Variants in DOK5 observed in about 807,000 individuals in gnomAD.
The protein encoded by DOK5 is docking protein 5, also known as downstream of tyrosine kinase 5.
DOK5 carries 27 observed loss-of-function variants against 43.3 expected under a neutral mutation model. That is an observed-to-expected ratio of 0.62 (90% CI 0.46 to 0.86). The LOEUF is 0.86. Among genes scored for constraint, DOK5 ranks in the 40% least tolerant of loss-of-function variants. DOK5 has a pLI of 0.00. For missense variants in DOK5, 373 were observed against 392.9 expected (o/e 0.95, Z 0.43); for synonymous variants, 146 against 140.1 (o/e 1.04, Z -0.30).
intron 2 of DOK5, among the ~76,000 whole-genome samples, chr20:54,581,619 T>C (rs539077236): frequency 6.6e-6 from 1 of 152,140 alleles, no homozygotes; most frequent in South Asian, 2.1e-4. Flanking sequence ...GTTATATTTA[T>C]TCCTAAATAT....
intron 1 of DOK5, among the ~76,000 whole-genome samples, chr20:54,476,763 T>C (rs1233331295): frequency 6.6e-6 from 1 of 152,176 alleles, no homozygotes; most frequent in Non-Finnish European, 1.5e-5. Flanking sequence ...GGGACAGATG[T>C]TGACACAGGC....
chr20:54,614,076 A>C (rs1369428870), intron 6 of DOK5, among the ~76,000 whole-genome samples: 1 of 151,212 alleles, frequency 6.6e-6, no homozygotes, highest in African/African-American at 2.4e-5. Flanking sequence ...TTATATGTAT[A>C]CATAAAACAA....
chr20:54,578,370 T>C (rs891859883), intron 2 of DOK5, among the ~76,000 whole-genome samples: 11 of 152,160 alleles, frequency 7.2e-5, no homozygotes, highest in African/African-American at 2.7e-4. Context: ...TAGCTACAAA[T>C]TTTAGCTCCA....
intron 1 of DOK5, among the ~76,000 whole-genome samples, chr20:54,552,941 A>C (rs1388767887): frequency 6.6e-6 from 1 of 152,222 alleles, no homozygotes; most frequent in Non-Finnish European, 1.5e-5. Flanking sequence ...GAATTATAAG[A>C]GGTTTTTAAA....
chr20:54,616,118 G>A (rs1297365247), intron 6 of DOK5, among the ~76,000 whole-genome samples: 1 of 152,162 alleles, frequency 6.6e-6, no homozygotes, highest in African/African-American at 2.4e-5. Flanking sequence ...ACAAGAATGT[G>A]TTATATCTCT....
rs539954159 is a variant in DOK5, at chr20:54,563,922, T to C, written c.174+8882T>C. ...ATCTCTTATTTACCCCTTGAACTAA[T>C]GCTAGAAAGAGAAAGCAATGGTATT... On this transcript the variant is annotated intron_variant, in intron 2 of 7. Transcript: ENST00000262593. Among the ~76,000 whole-genome samples the C allele has an allele frequency of 1.9e-3, 284 of 152,270 alleles. 1 individual carries two copies. The highest frequency in any genetic ancestry group is 6.5e-3 in the African/African-American group (272 of 41,562).
At chr20:54,581,339 A>G (rs911372725) in intron 2 of DOK5, among the ~76,000 whole-genome samples, 3 of 151,482 alleles carry the variant, frequency 2.0e-5, no homozygotes, top group South Asian at 2.1e-4. Flanking sequence ...TTTTGACTAT[A>G]TAAGGTTCTT....
At chr20:54,510,583 G>A (rs1016272720) in intron 1 of DOK5, among the ~76,000 whole-genome samples, 1 of 152,138 alleles carries the variant, frequency 6.6e-6, no homozygotes, top group Non-Finnish European at 1.5e-5. Flanking sequence ...AAATGTTGTG[G>A]GGGGTTTTAA....
At position 54,480,829 on chromosome 20, in the gene DOK5, C is replaced by T. The variant is rs996077900; in HGVS notation, c.66+4817C>T. On this transcript the variant is annotated intron_variant, in intron 1 of 7. Transcript: ENST00000262593. ...AATATGCTGTTTCCCCAGTTACCTC[C>T]TCCTGGCTTGCTCTCTCACCTCCTT... Among the ~76,000 whole-genome samples, 4 of 152,134 alleles carry T rather than the reference C, an allele frequency of 2.6e-5. No homozygotes were observed. The East Asian group carries it at 7.7e-4, about 29-fold the overall frequency.
At chr20:54,647,911 A>G (rs1979514075) in intron 7 of DOK5, among the ~76,000 whole-genome samples, 1 of 152,202 alleles carries the variant, frequency 6.6e-6, no homozygotes, top group Admixed American at 6.5e-5. Context: ...CCACCAGTGC[A>G]GTGCTGAAAT....
At chr20:54,501,097 A>G (rs890717823) in intron 1 of DOK5, among the ~76,000 whole-genome samples, 3 of 152,124 alleles carry the variant, frequency 2.0e-5, no homozygotes, top group African/African-American at 7.2e-5. Flanking sequence ...GAATATTTTT[A>G]TGGCTCTTAA....
intron 1 of DOK5, among the ~76,000 whole-genome samples, chr20:54,504,121 ACCTTCC>A (rs1982717990): frequency 6.6e-6 from 1 of 151,876 alleles, no homozygotes; most frequent in Non-Finnish European, 1.5e-5. Flanking sequence ...GCTCACCTTC[ACCTTCC>A]CACATCCTAC....
At chr20:54,608,385 A>T (rs770790604) in intron 5 of DOK5, among the ~76,000 whole-genome samples, 11 of 152,232 alleles carry the variant, frequency 7.2e-5, no homozygotes, top group Non-Finnish European at 1.5e-4. Flanking sequence ...TGGAATAAAG[A>T]TGTATGAAAA....
intron 5 of DOK5, among the ~76,000 whole-genome samples, chr20:54,601,696 C>A (rs910079329): frequency 6.6e-6 from 1 of 152,150 alleles, no homozygotes; most frequent in Non-Finnish European, 1.5e-5. Context: ...GGAGGAGGGC[C>A]ACAGTGTGGC....
At position 54,569,322 on chromosome 20, in the gene DOK5, C is replaced by G. The variant is rs539840702; in HGVS notation, c.174+14282C>G. On this transcript the variant is annotated intron_variant, in intron 2 of 7. Transcript: ENST00000262593. ...TGATCACACGAATTGCCCTAGTCCC[C>G]TTTTCCTCATGTTTTGACTATAATT... Among the ~76,000 whole-genome samples, 11 of 152,278 alleles carry G rather than the reference C, an allele frequency of 7.2e-5. No individual in the cohort carries two copies. In the East Asian group the frequency reaches 1.3e-3, roughly 19 times the overall value.
intron 1 of DOK5, among the ~76,000 whole-genome samples, chr20:54,477,728 T>G (rs947877311): frequency 2.0e-5 from 3 of 152,082 alleles, no homozygotes; most frequent in Admixed American, 6.5e-5. Context: ...ACATCCATTC[T>G]GTGTTAGGGA....
intron 6 of DOK5, among the ~76,000 whole-genome samples, chr20:54,626,852 C>A (rs1978329082): frequency 6.6e-6 from 1 of 152,216 alleles, no homozygotes; most frequent in African/African-American, 2.4e-5. Context: ...GGTTGACAAA[C>A]TACAGCCCAC....
chr20:54,647,948 C>G (rs1023283004), intron 7 of DOK5, among the ~76,000 whole-genome samples: 1 of 151,992 alleles, frequency 6.6e-6, no homozygotes, highest in East Asian at 1.9e-4. Context: ...ACGAGGGAGA[C>G]AAGCCATATT....
intron 6 of DOK5, among the ~76,000 whole-genome samples, chr20:54,624,029 G>A (rs150654688): frequency 2.4e-3 from 359 of 152,314 alleles, no homozygotes; most frequent in African/African-American, 8.1e-3. Context: ...GATGATGTTT[G>A]TGCAGTATTA....
Sources: allele counts gnomAD v4.1 joint callset (sites outside exome capture counted in the v4.1 genomes callset), GRCh38; gene constraint gnomAD v4.1.1; transcripts MANE v1.5; gene names NCBI Gene and HGNC (gene_info 2026-07-23, HGNC 2026-07-21).